The following PARD3B variants were observed in gnomAD, a reference collection of about 807,000 sequenced individuals.
PARD3B encodes par-3 family cell polarity regulator beta, also known as partitioning defective 3 homolog B.
PARD3B carries 103 observed loss-of-function variants against 130.2 expected under a neutral mutation model. The observed-to-expected ratio is 0.79, with a 90% CI of 0.67 to 0.93. PARD3B has a LOEUF of 0.93. PARD3B is among the 40% of genes least tolerant of loss of function. The pLI is 0.00. For synonymous variants in PARD3B, 583 were observed against 553.2 expected (o/e 1.05, Z -0.76); for missense variants, 1,609 against 1,499.2 (o/e 1.07, Z -1.21).
At chr2:205,235,200 C>T (rs1004210139) in intron 15 of PARD3B, among the ~76,000 whole-genome samples, 4 of 152,076 alleles carry the variant, frequency 2.6e-5, no homozygotes, top group Non-Finnish European at 5.9e-5. Flanking sequence ...GTGGGCAGAT[C>T]ATTTGAGCGT....
chr2:205,226,912 A>T (rs970215940), intron 15 of PARD3B, among the ~76,000 whole-genome samples: 1 of 152,138 alleles, frequency 6.6e-6, no homozygotes, highest in Non-Finnish European at 1.5e-5. Context: ...AGCCAAAGCC[A>T]TTCTTTCTTA....
chr2:205,362,959 G>A (rs1053941148), intron 18 of PARD3B, among the ~76,000 whole-genome samples: 3 of 152,106 alleles, frequency 2.0e-5, no homozygotes, highest in African/African-American at 4.8e-5. Context: ...ACAACCTTCC[G>A]TGTAGATCCA....
chr2:204,921,765 G>A (rs1345399118), intron 2 of PARD3B, among the ~76,000 whole-genome samples: 1 of 152,098 alleles, frequency 6.6e-6, no homozygotes, highest in Non-Finnish European at 1.5e-5. Flanking sequence ...TTTCATGGTA[G>A]TGTGGAAAAG....
At chr2:204,688,408 T>C (rs574055084) in intron 2 of PARD3B, among the ~76,000 whole-genome samples, 1 of 151,928 alleles carries the variant, frequency 6.6e-6, no homozygotes, top group South Asian at 2.1e-4. Flanking sequence ...TGAAACCCCA[T>C]CTCTACTAAA....
chr2:205,379,490 A>C (rs1273031346), intron 18 of PARD3B, among the ~76,000 whole-genome samples: 1 of 152,136 alleles, frequency 6.6e-6, no homozygotes, highest in Non-Finnish European at 1.5e-5. Flanking sequence ...TTTTAAAAAA[A>C]AAGCAAACAT....
intron 2 of PARD3B, among the ~76,000 whole-genome samples, chr2:204,744,535 A>G (rs955965521): frequency 3.3e-5 from 5 of 152,206 alleles, no homozygotes; most frequent in Admixed American, 1.3e-4. Flanking sequence ...AGCTGAATGT[A>G]TGTTTTAAAA....
At chr2:205,169,168 T>C (rs2035005215) in intron 11 of PARD3B, among the ~76,000 whole-genome samples, 1 of 152,200 alleles carries the variant, frequency 6.6e-6, no homozygotes, top group Admixed American at 6.5e-5. Flanking sequence ...ACATCATTTA[T>C]CTTATAAAGA....
chr2:204,787,466 G>A (rs2042052297), intron 2 of PARD3B, among the ~76,000 whole-genome samples: 1 of 152,120 alleles, frequency 6.6e-6, no homozygotes, highest in Admixed American at 6.5e-5. Flanking sequence ...CACTGGAGGT[G>A]GCAATTCTGG....
chr2:204,770,492 G>A (rs565573414), intron 2 of PARD3B, among the ~76,000 whole-genome samples: 106 of 151,792 alleles, frequency 7.0e-4, no homozygotes, highest in African/African-American at 2.4e-3. Context: ...GATTTGGGGT[G>A]GAGAGTTCTG....
At chr2:205,089,005 G>T (rs1160680655) in intron 4 of PARD3B, among the ~76,000 whole-genome samples, 1 of 151,920 alleles carries the variant, frequency 6.6e-6, no homozygotes, top group African/African-American at 2.4e-5. Flanking sequence ...GTTTCACCCT[G>T]TTGGCCAGGA....
intron 3 of PARD3B, among the ~76,000 whole-genome samples, chr2:205,001,629 A>G (rs1159200229): frequency 6.6e-6 from 1 of 152,166 alleles, no homozygotes; most frequent in Non-Finnish European, 1.5e-5. Context: ...GCAGTTAAAA[A>G]CTTTGAAGCA....
intron 22 of PARD3B, among the ~76,000 whole-genome samples, chr2:205,602,416 C>G (rs1257450640): frequency 6.6e-6 from 1 of 152,170 alleles, no homozygotes; most frequent in African/African-American, 2.4e-5. Flanking sequence ...GAAGTCCCTT[C>G]TTTTCAATTG....
chr2:204,777,630 A>G (rs2041677905), intron 2 of PARD3B, among the ~76,000 whole-genome samples: 1 of 152,018 alleles, frequency 6.6e-6, no homozygotes, highest in African/African-American at 2.4e-5. Flanking sequence ...TTAGCCAGGA[A>G]TTGTGGTGCA....
At chr2:204,866,903 T>C (rs948223501) in intron 2 of PARD3B, among the ~76,000 whole-genome samples, 9 of 151,964 alleles carry the variant, frequency 5.9e-5, no homozygotes, top group African/African-American at 2.2e-4. Context: ...ACCCCGTCTC[T>C]ACTAAAAATA....
intron 18 of PARD3B, among the ~76,000 whole-genome samples, chr2:205,400,462 G>A (rs1422510370): frequency 1.3e-5 from 2 of 152,074 alleles, no homozygotes; most frequent in African/African-American, 2.4e-5. Context: ...CCAACGTGGT[G>A]AAACCCCGTC....
intron 21 of PARD3B, among the ~76,000 whole-genome samples, chr2:205,508,674 T>C (rs1324341862): frequency 6.6e-6 from 1 of 152,094 alleles, no homozygotes; most frequent in African/African-American, 2.4e-5. Context: ...CTTCTTGAGC[T>C]CTATCCCAAT....
At chr2:205,028,844 A>G (rs1472124748) in intron 3 of PARD3B, among the ~76,000 whole-genome samples, 2 of 152,198 alleles carry the variant, frequency 1.3e-5, no homozygotes, top group African/African-American at 4.8e-5. Context: ...CGGGATATAA[A>G]AATCAACGTA....
At chr2:205,045,373 G>A (rs960361520) in intron 3 of PARD3B, among the ~76,000 whole-genome samples, 3 of 151,546 alleles carry the variant, frequency 2.0e-5, no homozygotes, top group Non-Finnish European at 4.4e-5. Flanking sequence ...TTCAGCCTCC[G>A]AGTAGCTGGG....
intron 11 of PARD3B, among the ~76,000 whole-genome samples, chr2:205,170,753 T>G (rs2035120668): frequency 6.6e-6 from 1 of 151,960 alleles, no homozygotes; most frequent in African/African-American, 2.4e-5. Context: ...TTTCTATTGT[T>G]CATTGTGTGT....
Sources: gnomAD v4.1 joint callset for allele counts (sites outside exome capture counted in the v4.1 genomes callset) on GRCh38, gnomAD v4.1.1 for gene constraint, MANE v1.5 for transcripts, NCBI Gene and HGNC (gene_info 2026-07-23, HGNC 2026-07-21) for gene names.